The following RIPOR2 variants were observed in gnomAD, a reference collection of about 807,000 sequenced individuals.
The protein encoded by RIPOR2 is RHO family interacting cell polarization regulator 2.
A neutral mutation model predicts 114.5 loss-of-function variants in RIPOR2; 39 were observed. The observed-to-expected ratio is 0.34, with a 90% CI of 0.26 to 0.44. The LOEUF (loss-of-function observed/expected upper bound fraction) is 0.44. Ranked by LOEUF, RIPOR2 falls within the 20% of genes least tolerant of loss-of-function variation. RIPOR2 has a pLI of 1.00. For missense variants in RIPOR2, 1,007 were observed against 1,255.1 expected, an observed-to-expected ratio of 0.80 and a Z score of 2.99; for synonymous variants, 445 against 484.4, an observed-to-expected ratio of 0.92 and a Z score of 1.07.
At chr6:24,991,912 G>C (rs1774834508) in intron 1 of RIPOR2, among the ~76,000 whole-genome samples, 2 of 152,128 alleles carry the variant, frequency 1.3e-5, no homozygotes, top group Non-Finnish European at 2.9e-5. Context: ...CCCTCTTCTT[G>C]TACCTGATTT....
chr6:24,848,212 G>C (rs1198658232), intron 11 of RIPOR2, 58 bp from the exon 12 acceptor site: 1 of 1,577,912 alleles, frequency 6.3e-7, no homozygotes, highest in East Asian at 2.3e-5. Context: ...ATCATCAACA[G>C]ACCACAGGCT....
intron 1 of RIPOR2, among the ~76,000 whole-genome samples, chr6:24,927,607 CACT>C (rs1019600905): frequency 2.1e-4 from 32 of 151,838 alleles, no homozygotes; most frequent in African/African-American, 6.0e-4. Flanking sequence ...TCGCTACCAC[CACT>C]ATCATCACTA....
intron 1 of RIPOR2, among the ~76,000 whole-genome samples, chr6:24,896,368 C>T (rs1404132400): frequency 6.6e-6 from 1 of 152,162 alleles, no homozygotes; most frequent in Non-Finnish European, 1.5e-5. Flanking sequence ...GTTCTTGTTA[C>T]AGCGATGAGG....
chr6:25,034,613 A>G (rs1171498834), intron 1 of RIPOR2, among the ~76,000 whole-genome samples: 1 of 152,218 alleles, frequency 6.6e-6, no homozygotes, highest in Non-Finnish European at 1.5e-5. Context: ...ATCCTTCATC[A>G]AACAAACAAC....
intron 1 of RIPOR2, among the ~76,000 whole-genome samples, chr6:24,930,493 G>C (rs1276141009): frequency 6.6e-6 from 1 of 152,200 alleles, no homozygotes; most frequent in African/African-American, 2.4e-5. Context: ...GGGTGGACTG[G>C]TGGCTAAGAC....
At position 25,013,422 on chromosome 6, in the gene RIPOR2, T is replaced by G. The variant is rs545321387; in HGVS notation, c.76+28429A>C. On this transcript the variant is annotated intron_variant, in intron 1 of 13. Transcript: ENST00000510784. ...AATGAGGCTATAGCGGGGTGTGGAC[T>G]GTGGTATACTGGGAGGGCAGCACCT... Among the ~76,000 whole-genome samples the G allele has an allele frequency of 8.3e-4, 127 of 152,124 alleles. 1 individual carries two copies. The highest frequency in any genetic ancestry group is 1.6e-3 in the Non-Finnish European group (111 of 68,006).
intron 1 of RIPOR2, among the ~76,000 whole-genome samples, chr6:25,016,876 T>C (rs1776030292): frequency 6.6e-6 from 1 of 152,228 alleles, no homozygotes; most frequent in African/African-American, 2.4e-5. Flanking sequence ...CCTCTCATTG[T>C]ATATATCTTC....
At chr6:24,869,829 G>A (rs1053854837) in intron 5 of RIPOR2, among the ~76,000 whole-genome samples, 1 of 151,956 alleles carries the variant, frequency 6.6e-6, no homozygotes, top group Non-Finnish European at 1.5e-5. Context: ...TCACATTTTA[G>A]TGTCTTTGAA....
chr6:24,837,213 C>T (rs990957392), intron 14 of RIPOR2, among the ~76,000 whole-genome samples: 3 of 152,252 alleles, frequency 2.0e-5, no homozygotes, highest in Non-Finnish European at 4.4e-5. Context: ...ACCTCCACCT[C>T]CCAGGTTCAA....
chr6:24,851,174 C>T (rs1296862164), intron 9 of RIPOR2, among the ~76,000 whole-genome samples: 1 of 152,162 alleles, frequency 6.6e-6, no homozygotes. Context: ...GGATTACAGA[C>T]ATAAGCCACT....
intron 1 of RIPOR2, among the ~76,000 whole-genome samples, chr6:24,997,322 C>CATAGT (rs1281837035): frequency 2.0e-5 from 3 of 150,774 alleles, no homozygotes; most frequent in African/African-American, 7.4e-5. Context: ...GTAAACACTG[C>CATAGT]GTTAGGCATT....
In RIPOR2 at chr6:24,804,866, GAT is replaced by G. The variant is rs1780681212; in HGVS notation, c.*1505_*1506del. 1 of 152,146 alleles carries G rather than the reference GAT, an allele frequency of 6.6e-6. No homozygotes were observed. The highest frequency in any genetic ancestry group is 2.1e-4 in the South Asian group (1 of 4,824). 9.4% of individuals were successfully genotyped at this position (152,146 alleles called of 1,614,324 possible). A position where few individuals can be genotyped will look rare whatever the true frequency, so the allele number is the denominator to read the frequency against. On this transcript the variant is annotated 3_prime_UTR_variant, in exon 22 of 22. Coordinates refer to ENST00000643898, the MANE Select transcript of RIPOR2 (RefSeq NM_001286445.3). ...TTGTACACTCTTTAGAGGAAGAAAA[GAT>G]ATTTTAATAAGAGCTACTGAATGGT...
rs1199917996 is a variant in RIPOR2 at position 24,858,028 on chromosome 6, CA to C, written c.715+2944del. ...TGCTATTCTGGTGCTGTTCACCATA[CA>C]TTACACTGGGATGCCTTCCTCTTTC... is the stretch of plus-strand genomic sequence containing the variant. On this transcript the variant is annotated intron_variant, in intron 8 of 21. Transcript: ENST00000643898. The surrounding 1 kb of genome is among the most constrained non-coding windows in gnomAD (Gnocchi z 4.0). Among the ~76,000 whole-genome samples the C allele has an allele frequency of 1.3e-5, 2 of 152,174 alleles. No individual in the cohort carries two copies. The highest frequency in any genetic ancestry group is 4.8e-5 in the African/African-American group (2 of 41,446).
chr6:25,030,113 C>G (rs1016649332), intron 1 of RIPOR2, among the ~76,000 whole-genome samples: 2 of 152,008 alleles, frequency 1.3e-5, no homozygotes, highest in African/African-American at 4.8e-5. Context: ...TCTGTATCCT[C>G]CTACCTCTGC....
At chr6:25,031,715 AT>A (rs1270593425) in intron 1 of RIPOR2, among the ~76,000 whole-genome samples, 2 of 85,490 alleles carry the variant, frequency 2.3e-5, no homozygotes, top group Non-Finnish European at 4.5e-5. Context: ...ATATATATAT[AT>A]ATATATATAT....
chr6:24,931,560 A>T (rs1454926194), intron 1 of RIPOR2, among the ~76,000 whole-genome samples: 1 of 152,228 alleles, frequency 6.6e-6, no homozygotes, highest in African/African-American at 2.4e-5. Flanking sequence ...TTTCTCAGAC[A>T]CAGTTATCCA....
At chr6:24,851,431 G>T (rs1180475169) in intron 9 of RIPOR2, among the ~76,000 whole-genome samples, 1 of 152,160 alleles carries the variant, frequency 6.6e-6, no homozygotes, top group Non-Finnish European at 1.5e-5. Context: ...TCCTTACTCT[G>T]GATAGAGAGA....
intron 1 of RIPOR2, among the ~76,000 whole-genome samples, chr6:24,928,893 G>C (rs1036596792): frequency 6.6e-6 from 1 of 152,154 alleles, no homozygotes; most frequent in Non-Finnish European, 1.5e-5. Context: ...TTGGAAAAGA[G>C]ACACTTTACC....
intron 18 of RIPOR2, 145 bp from the exon 19 acceptor site, chr6:24,825,573 G>T (rs941937826): frequency 1.9e-4 from 120 of 634,440 alleles, no homozygotes; most frequent in South Asian, 2.0e-4. Flanking sequence ...GATAAAGATG[G>T]TATTTCAGAT....
Sources: gnomAD v4.1 joint callset for allele counts (sites outside exome capture counted in the v4.1 genomes callset) on GRCh38, gnomAD v4.1.1 for gene constraint, Gnocchi (gnomAD v3.1) non-coding constraint, MANE v1.5 for transcripts, NCBI Gene and HGNC (gene_info 2026-07-23, HGNC 2026-07-21) for gene names.